PPP4R1: variants seen among roughly 807,000 people sequenced by gnomAD.
The protein encoded by PPP4R1 is serine/threonine-protein phosphatase 4 regulatory subunit 1.
A neutral mutation model predicts 111.2 loss-of-function variants in PPP4R1; 42 were observed. That is an observed-to-expected ratio of 0.38 (90% CI 0.29 to 0.49). The LOEUF is 0.49. Among genes scored for constraint, PPP4R1 ranks in the 20% least tolerant of loss-of-function variants. The probability of loss-of-function intolerance (pLI) is 0.97; values close to 1 mark genes in which losing one functional copy is unlikely to be tolerated. For synonymous variants in PPP4R1, 409 were observed against 405.5 expected, an observed-to-expected ratio of 1.01 and a Z score of -0.10; for missense variants, 1,012 against 1,161.6, an observed-to-expected ratio of 0.87 and a Z score of 1.87.
Position 9,547,722 on chromosome 18 carries a change from T to C in PPP4R1, c.*67A>G, listed in dbSNP as rs1417161388. 9.5e-6 allele frequency: 15 copies of C among 1,573,194 alleles called. No individual in the cohort carries two copies. Among genetic ancestry groups the C allele is most frequent in the Non-Finnish European group, 1.2e-5 (14 of 1,147,824 alleles). On this transcript the variant is annotated 3_prime_UTR_variant, in exon 20 of 20. Transcript: ENST00000400556. ...CCCCCGAAAGCTATCCCAGGTCACA[T>C]GCGTGGCGAATGCCCACTGAACCTC...
chr18:9,559,534 T>C lies in PPP4R1; in HGVS notation c.1913A>G (p.Asp638Gly). The C allele has an allele frequency of 6.2e-7, 1 of 1,613,702 alleles. No individual in the cohort carries two copies. The stretch of plus-strand genomic sequence containing the variant: ...TGCACAGTGCTTAGCAATTTCAGTG[T>C]CAACCGTCTGTGCACGAGAAGGGTC... Reference protein sequence around the residue: ...MTDPSRAQTVDTEIAKHCAYS... With the variant: ...MTDPSRAQTVGTEIAKHCAYS... Residue 638 changes from aspartate (D) to glycine (G), a missense_variant, in exon 14 of 20, where the codon GAC becomes GGC. This residue lies in a region of PPP4R1 where 305 missense variants were observed against 419.5 expected (regional missense o/e 0.73). Coordinates refer to ENST00000400556, the MANE Select transcript of PPP4R1 (RefSeq NM_001042388.3).
At chr18:9,569,191 GAA>G (rs1175501445) in intron 11 of PPP4R1, among the ~76,000 whole-genome samples, 8 of 53,298 alleles carry the variant, frequency 1.5e-4, no homozygotes, top group African/African-American at 2.0e-4. Context: ...CTCCGTCTCA[GAA>G]AAAAAAAAAA....
chr18:9,609,385 C>G (rs78065473), intron 2 of PPP4R1, among the ~76,000 whole-genome samples: 2 of 144,978 alleles, frequency 1.4e-5, no homozygotes, highest in Non-Finnish European at 3.0e-5. Context: ...CACCTCCCAC[C>G]GGAAGCAAGG....
At chr18:9,615,623 C>A (rs1034674447), upstream of PPP4R1, among the ~76,000 whole-genome samples, 1 of 152,172 alleles carries the variant, frequency 6.6e-6, no homozygotes. Context: ...ACGATTCTAC[C>A]TCCATGGCTC....
At chr18:9,556,519 C>T (rs2066588733) in intron 15 of PPP4R1, among the ~76,000 whole-genome samples, 1 of 152,122 alleles carries the variant, frequency 6.6e-6, no homozygotes, top group Non-Finnish European at 1.5e-5. Context: ...GGGAGGACTA[C>T]AATTACTTCT....
At chr18:9,596,558 T>C in intron 2 of PPP4R1, among the ~76,000 whole-genome samples, 1 of 152,326 alleles carries the variant, frequency 6.6e-6, no homozygotes, top group Admixed American at 6.5e-5. Flanking sequence ...TAAGTATTTT[T>C]GAAACAAATA....
chr18:9,612,302 C>G (rs1250256843), intron 2 of PPP4R1, among the ~76,000 whole-genome samples: 1 of 152,142 alleles, frequency 6.6e-6, no homozygotes, highest in Non-Finnish European at 1.5e-5. Flanking sequence ...GTGAGTTGCC[C>G]AAGTCTGCCC....
intron 11 of PPP4R1, among the ~76,000 whole-genome samples, chr18:9,566,648 GACAC>G (rs56772611): frequency 0.22 from 31,222 of 143,888 alleles, 3,508 homozygotes; most frequent in Non-Finnish European, 0.23. Flanking sequence ...GAGGCGCTGT[GACAC>G]ACACACACAC....
At chr18:9,588,950 T>C (rs566880338) in intron 4 of PPP4R1, 97 bp from the exon 5 acceptor site, 1 of 1,424,914 alleles carries the variant, frequency 7.0e-7, no homozygotes, top group Non-Finnish European at 9.5e-7. Flanking sequence ...TGGACTTTCA[T>C]CTTCAAAATA....
In PPP4R1 at chr18:9,614,538, C is replaced by G. The variant is rs1395024997; in HGVS notation, c.-54G>C. 1 of 1,000,558 alleles carries G rather than the reference C, an allele frequency of 1.0e-6. No individual in the cohort carries two copies. Among genetic ancestry groups the G allele is most frequent in the Admixed American group, 6.1e-5 (1 of 16,416 alleles). The allele number at this position is 1,000,558 out of a possible 1,614,324, so 62.0% of individuals were successfully genotyped here. A position where few individuals can be genotyped will look rare whatever the true frequency, so the allele number is the denominator to read the frequency against. On this transcript the variant is annotated 5_prime_UTR_variant, in exon 1 of 20. Transcript: ENST00000400556. This position sits in a 1 kb window ranked among gnomAD's most constrained non-coding sequence, Gnocchi z 4.1. ...CCCGGGGAGCCGGGGCTACATGGAGCGGCGCGAGCCGGGGAGCCGGTGGAC... is the reference window on the plus strand; with the variant it reads ...CCCGGGGAGCCGGGGCTACATGGAGGGGCGCGAGCCGGGGAGCCGGTGGAC...
chr18:9,555,870 C>G (rs1418115139), intron 15 of PPP4R1, among the ~76,000 whole-genome samples: 1 of 152,068 alleles, frequency 6.6e-6, no homozygotes, highest in Non-Finnish European at 1.5e-5. Context: ...GGCATGGTGG[C>G]TCACGCCTGT....
chr18:9,616,650 C>T (rs1030714623), upstream of PPP4R1, among the ~76,000 whole-genome samples: 11 of 151,860 alleles, frequency 7.2e-5, no homozygotes, highest in East Asian at 1.9e-4. Flanking sequence ...GTGCTTCAGC[C>T]GCTGGATGCA....
intron 9 of PPP4R1, among the ~76,000 whole-genome samples, chr18:9,579,547 TA>T (rs1568107544): frequency 6.6e-6 from 1 of 150,920 alleles, no homozygotes; most frequent in African/African-American, 2.4e-5. Flanking sequence ...TGTGTGTGTG[TA>T]AAATAGGCAT....
intron 10 of PPP4R1, among the ~76,000 whole-genome samples, chr18:9,575,153 T>G (rs1027643436): frequency 3.3e-5 from 5 of 152,236 alleles, no homozygotes; most frequent in African/African-American, 9.6e-5. Flanking sequence ...TGGAAATATG[T>G]TGCCAAAAAC....
Position 9,572,556 on chromosome 18 carries a change from T to C in PPP4R1, c.1047-1873A>G, listed in dbSNP as rs570007357. ...TGAATATGTAGGTAAATTTGTAAGA[T>C]GAATACAGGAAAAAGCATCTGTGTG... On this transcript the variant is annotated intron_variant, in intron 10 of 19. Transcript: ENST00000400556. Among the ~76,000 whole-genome samples the C allele has an allele frequency of 5.3e-5, 8 of 152,244 alleles. No individual in the cohort carries two copies. In the South Asian group the frequency reaches 1.5e-3, roughly 28 times the overall value.
chr18:9,609,607 T>C (rs2067543478), intron 2 of PPP4R1, among the ~76,000 whole-genome samples: 1 of 152,184 alleles, frequency 6.6e-6, no homozygotes, highest in African/African-American at 2.4e-5. Flanking sequence ...CTCAATAACA[T>C]AGCTTCAAAA....
At chr18:9,549,407 A>G (rs911004716) in intron 18 of PPP4R1, 69 bp from the exon 19 acceptor site, 3 of 1,547,946 alleles carry the variant, frequency 1.9e-6, no homozygotes, top group Non-Finnish European at 2.6e-6. Flanking sequence ...ACTGGCTAAC[A>G]AAATCTCTGA....
intron 2 of PPP4R1, among the ~76,000 whole-genome samples, chr18:9,602,745 C>T (rs921638621): frequency 1.3e-5 from 2 of 150,592 alleles, no homozygotes; most frequent in Non-Finnish European, 2.9e-5. Flanking sequence ...CGCTTCAAAC[C>T]AGGAGAAGGA....
chr18:9,583,261 GA>G lies in PPP4R1; in HGVS notation c.773del (p.Phe258SerfsTer42). 4 of 1,572,582 alleles carry G rather than the reference GA, an allele frequency of 2.5e-6. No homozygotes were observed. Among genetic ancestry groups the G allele is most frequent in the East Asian group, 2.3e-5 (1 of 43,240 alleles). On this transcript the variant is annotated frameshift_variant, in exon 9 of 20. Transcript: ENST00000400556. LOFTEE classifies it high-confidence loss of function. ...CCCATACATTATCAGAACAAAGCTG[GA>G]AAAATCTGGGCAGCTATGTGAAAAG... The part of the protein sequence containing the change: ...ATEEMLLPRF[F>X]QLCSDNVWGV...
Sources: gnomAD v4.1 joint callset for allele counts (sites outside exome capture counted in the v4.1 genomes callset) on GRCh38, gnomAD v4.1.1 for gene constraint, gnomAD v4.1.1 regional missense constraint, Gnocchi (gnomAD v3.1) non-coding constraint, MANE v1.5 for transcripts, NCBI Gene and HGNC (gene_info 2026-07-23, HGNC 2026-07-21) for gene names.